The following GREB1 variants were observed in gnomAD, a reference collection of about 807,000 sequenced individuals.
GREB1 encodes the protein growth regulating estrogen receptor binding 1, also known as protein GREB1.
GREB1 carries 106 observed loss-of-function variants against 200.7 expected under a neutral mutation model. That is an observed-to-expected ratio of 0.53 (90% confidence interval 0.45 to 0.62). GREB1 has a LOEUF of 0.62. Ranked by LOEUF, GREB1 falls within the 20% of genes least tolerant of loss-of-function variation. The pLI is 0.00. For missense variants in GREB1, 2,243 were observed against 2,556.8 expected (o/e 0.88, Z 2.65); for synonymous variants, 1,132 against 1,092.4 (o/e 1.04, Z -0.72).
chr2:11,626,977 G>A lies in GREB1; in HGVS notation c.4322G>A (p.Arg1441Gln), dbSNP rs182087384. 183 of 1,614,100 alleles carry A rather than the reference G, an allele frequency of 1.1e-4. 1 individual carries two copies. In the African/African-American group the frequency reaches 1.2e-3, roughly 10 times the overall value. ...TTTGGTGCAGACAGAGGGATGTCCC[G>A]GAAGCCGGAGGACCTTTATGTGCGG... is the stretch of plus-strand genomic sequence containing the variant. ...GIKSEDRGMS[R>Q]KPEDLYVRRQ... The change falls in exon 25 of 33, where the codon CGG becomes CAG. Residue 1441 changes from arginine to glutamine, a missense_variant. By Grantham distance (43) the Arg-to-Gln change is conservative. Coordinates refer to ENST00000381486, the MANE Select transcript of GREB1 (RefSeq NM_014668.4).
chr2:11,616,217 C>G (rs913910688), intron 20 of GREB1, among the ~76,000 whole-genome samples: 1 of 152,254 alleles, frequency 6.6e-6, no homozygotes, highest in Non-Finnish European at 1.5e-5. Context: ...CCCTTCTGGC[C>G]TCTGCGCTGC....
At chr2:11,566,400 G>C (rs565977484) in intron 3 of GREB1, 80 bp from the exon 4 acceptor site, 1 of 1,407,500 alleles carries the variant, frequency 7.1e-7, no homozygotes, top group South Asian at 1.4e-5. Flanking sequence ...AGCAGACCCA[G>C]AACGTTTCCT....
chr2:11,501,496 C>A (rs943227083), intron 1 of GREB1, among the ~76,000 whole-genome samples: 3 of 152,092 alleles, frequency 2.0e-5, no homozygotes, highest in Non-Finnish European at 4.4e-5. Flanking sequence ...CAGGTTCAAG[C>A]GATTGTCCTG....
At chr2:11,495,796 GTT>G (rs71393887) in intron 1 of GREB1, among the ~76,000 whole-genome samples, 36 of 136,912 alleles carry the variant, frequency 2.6e-4, no homozygotes, top group Non-Finnish European at 1.9e-4. Flanking sequence ...AAGTCCCCCC[GTT>G]TTTTTTTTTT....
upstream of GREB1, among the ~76,000 whole-genome samples, chr2:11,529,414 C>A (rs1673990207): frequency 6.6e-6 from 1 of 152,226 alleles, no homozygotes; most frequent in Non-Finnish European, 1.5e-5. Flanking sequence ...CCCTTTTACA[C>A]CCACCAGACT....
chr2:11,505,724 G>A (rs927539190), intron 1 of GREB1, among the ~76,000 whole-genome samples: 1 of 152,086 alleles, frequency 6.6e-6, no homozygotes. Flanking sequence ...ATGGGTACTT[G>A]TAGTACCAAC....
intron 3 of GREB1, 76 bp from the exon 4 acceptor site, chr2:11,566,404 G>C: frequency 7.0e-7 from 1 of 1,435,278 alleles, no homozygotes; most frequent in African/African-American, 1.4e-5. Context: ...GACCCAGAAC[G>C]TTTCCTCCCT....
At chr2:11,495,315 T>C (rs1572548403) in intron 1 of GREB1, among the ~76,000 whole-genome samples, 1 of 152,218 alleles carries the variant, frequency 6.6e-6, no homozygotes, top group Non-Finnish European at 1.5e-5. Flanking sequence ...TCTACAGATG[T>C]GTAAACTGAG....
At chr2:11,487,129 G>A (rs1012214523) in intron 1 of GREB1, among the ~76,000 whole-genome samples, 2 of 152,026 alleles carry the variant, frequency 1.3e-5, no homozygotes, top group African/African-American at 4.8e-5. Flanking sequence ...TTGATAAATT[G>A]TCATTTCAGT....
At chr2:11,570,757 T>G (rs1427474662) in intron 4 of GREB1, among the ~76,000 whole-genome samples, 2 of 152,200 alleles carry the variant, frequency 1.3e-5, no homozygotes, top group Non-Finnish European at 2.9e-5. Context: ...CACAATTGAT[T>G]TTTAGGCAAA....
chr2:11,511,386 T>C (rs1483317825), intron 1 of GREB1, among the ~76,000 whole-genome samples: 1 of 151,972 alleles, frequency 6.6e-6, no homozygotes, highest in Non-Finnish European at 1.5e-5. Context: ...GCTCCACATC[T>C]CTGAGAGTGA....
At chr2:11,495,900 C>T (rs906235264) in intron 1 of GREB1, among the ~76,000 whole-genome samples, 7 of 150,164 alleles carry the variant, frequency 4.7e-5, no homozygotes, top group Admixed American at 2.7e-4. Context: ...TGAGTCTGTG[C>T]GTGGCGCTCC....
chr2:11,568,885 A>T (rs1356146897), intron 4 of GREB1, among the ~76,000 whole-genome samples: 4 of 152,240 alleles, frequency 2.6e-5, no homozygotes, highest in Non-Finnish European at 5.9e-5. Context: ...AAATAACTTT[A>T]TGCTCTCAGC....
chr2:11,501,632 G>A (rs1353481821), intron 1 of GREB1, among the ~76,000 whole-genome samples: 2 of 152,038 alleles, frequency 1.3e-5, no homozygotes, highest in South Asian at 2.1e-4. Context: ...GACCTCAGGT[G>A]ATACACCTGC....
chr2:11,600,142 A>G (rs1681651841), intron 15 of GREB1, among the ~76,000 whole-genome samples: 1 of 152,222 alleles, frequency 6.6e-6, no homozygotes, highest in Non-Finnish European at 1.5e-5. Flanking sequence ...GCTTGGGGGA[A>G]ATCGGAACAT....
intron 1 of GREB1, among the ~76,000 whole-genome samples, chr2:11,484,378 G>C (rs1385730859): frequency 6.6e-6 from 1 of 152,148 alleles, no homozygotes; most frequent in Non-Finnish European, 1.5e-5. Context: ...AGTGTTATCT[G>C]TGGCATTTCC....
At chr2:11,514,463 G>A (rs1027429487) in intron 1 of GREB1, among the ~76,000 whole-genome samples, 2 of 152,188 alleles carry the variant, frequency 1.3e-5, no homozygotes, top group African/African-American at 4.8e-5. Context: ...ATGTTTCCAT[G>A]ATCAGATGTC....
chr2:11,556,042 C>A (rs1003075904), intron 1 of GREB1, among the ~76,000 whole-genome samples: 1 of 152,140 alleles, frequency 6.6e-6, no homozygotes, highest in African/African-American at 2.4e-5. Context: ...TTACTTGAAT[C>A]ATGGAAACAT....
At chr2:11,581,302 G>T in intron 7 of GREB1, 1 of 444,310 alleles carries the variant, frequency 2.3e-6, no homozygotes, top group Non-Finnish European at 4.0e-6. Flanking sequence ...TAAGAGGGAT[G>T]AGGTGCTGTA....
Sources: allele counts gnomAD v4.1 joint callset (sites outside exome capture counted in the v4.1 genomes callset), GRCh38; gene constraint gnomAD v4.1.1; transcripts MANE v1.5; gene names NCBI Gene and HGNC (gene_info 2026-07-23, HGNC 2026-07-21).